The following DSCAM variants were observed in gnomAD, a reference collection of about 807,000 sequenced individuals.
DSCAM encodes DS cell adhesion molecule, also known as cell adhesion molecule DSCAM.
A neutral mutation model predicts 217.7 loss-of-function variants in DSCAM; 47 were observed. The observed-to-expected ratio is 0.22, with a 90% CI of 0.17 to 0.28. DSCAM has a LOEUF of 0.28. Ranked by LOEUF, DSCAM falls within the 10% of genes least tolerant of loss-of-function variation. The probability of loss-of-function intolerance (pLI) is 1.00; values close to 1 mark genes in which losing one functional copy is unlikely to be tolerated. For synonymous variants in DSCAM, 1,056 were observed against 1,015.3 expected, an observed-to-expected ratio of 1.04 and a Z score of -0.76; for missense variants, 2,080 against 2,618.3, an observed-to-expected ratio of 0.79 and a Z score of 4.49.
At chr21:40,424,152 C>T (rs1000551190) in intron 3 of DSCAM, among the ~76,000 whole-genome samples, 5 of 152,136 alleles carry the variant, frequency 3.3e-5, no homozygotes, top group African/African-American at 1.2e-4. Flanking sequence ...GCATGACGTA[C>T]CTTTTAAAAC....
Position 40,338,177 on chromosome 21 carries a change from G to A in DSCAM, c.1707C>T (p.Asp569=), listed in dbSNP as rs756127341. 19 of 1,614,124 alleles carry A rather than the reference G, an allele frequency of 1.2e-5. No individual in the cohort carries two copies. The highest frequency in any genetic ancestry group is 1.4e-5 in the Non-Finnish European group (17 of 1,180,052). The change falls in exon 8 of 33, where the codon GAC becomes GAT. Residue 569 remains aspartate, a synonymous_variant. Transcript: ENST00000400454. ...ACACGTTGCACGTGTACTCCCCCTC[G>A]TCCACTTCCTTTTGCACATCTGAAA... ...LKLSDVQKEV[D]EGEYTCNVLV... is the part of the protein sequence containing the mutation.
intron 3 of DSCAM, among the ~76,000 whole-genome samples, chr21:40,452,964 G>A: frequency 6.6e-6 from 1 of 151,538 alleles, no homozygotes; most frequent in East Asian, 1.9e-4. Context: ...AAATGAGTTT[G>A]GATATTTCCA....
chr21:40,602,023 A>C (rs75016341), intron 3 of DSCAM, among the ~76,000 whole-genome samples: 2,534 of 149,268 alleles, frequency 0.017, 69 homozygotes, highest in African/African-American at 0.06. Context: ...GCCTCATCAA[A>C]TGAGTTAGCA....
At chr21:40,457,287 G>A (rs1054986419) in intron 3 of DSCAM, among the ~76,000 whole-genome samples, 3 of 152,134 alleles carry the variant, frequency 2.0e-5, no homozygotes, top group Non-Finnish European at 4.4e-5. Context: ...CAAGGCGGGA[G>A]GATTGCTTGA....
At position 40,178,924 on chromosome 21, in the gene DSCAM, T is replaced by G; in HGVS notation, c.2947+3A>C. On this transcript the variant is annotated splice_donor_region_variant and intron_variant, in intron 15 of 32. Coordinates refer to ENST00000400454, the MANE Select transcript of DSCAM (RefSeq NM_001389.5). ...GAGCAAGGTTCCGCCCGGTCCCACG[T>G]ACCTGCCTCGTCCGCCGTGATGGTG... 1 of 1,613,258 alleles carries G rather than the reference T, an allele frequency of 6.2e-7. No individual in the cohort carries two copies. Among genetic ancestry groups the G allele is most frequent in the African/African-American group, 1.3e-5 (1 of 75,026 alleles).
intron 3 of DSCAM, among the ~76,000 whole-genome samples, chr21:40,544,694 G>C (rs572430613): frequency 6.6e-6 from 1 of 152,254 alleles, no homozygotes; most frequent in East Asian, 1.9e-4. Flanking sequence ...CTGGAACTGT[G>C]AGAATAATTT....
At chr21:40,348,913 G>A (rs749690352) in intron 5 of DSCAM, among the ~76,000 whole-genome samples, 4 of 151,818 alleles carry the variant, frequency 2.6e-5, no homozygotes, top group Non-Finnish European at 5.9e-5. Context: ...AGGCCAAAGT[G>A]GGAGGATCAC....
Position 40,013,226 on chromosome 21 carries a change from T to C in DSCAM, c.5847A>G (p.Glu1949=). The C allele has an allele frequency of 6.2e-7, 1 of 1,613,816 alleles. No homozygotes were observed. The change falls in exon 33 of 33, where the codon GAA becomes GAG. Residue 1949 remains glutamate (E), a synonymous_variant. Transcript: ENST00000400454. ...RPTVLEPIPM[E]AASSASSTRE... Reference sequence around the variant, plus strand: ...TCGTGGAGGAGGCGGAGGAGGCGGCTTCCATCGGGATGGGCTCCAGGACCG... The same window carrying C: ...TCGTGGAGGAGGCGGAGGAGGCGGCCTCCATCGGGATGGGCTCCAGGACCG...
intron 3 of DSCAM, among the ~76,000 whole-genome samples, chr21:40,623,190 C>T (rs577824984): frequency 1.3e-5 from 2 of 152,050 alleles, no homozygotes; most frequent in East Asian, 3.9e-4. Context: ...TGAAGCGGGG[C>T]CCTGGCTGAC....
intron 3 of DSCAM, among the ~76,000 whole-genome samples, chr21:40,557,824 C>T (rs192831204): frequency 5.8e-4 from 88 of 152,280 alleles, no homozygotes; most frequent in African/African-American, 1.9e-3. Flanking sequence ...GTTATAGCAA[C>T]ACAAAATGAA....
Position 40,142,486 on chromosome 21 carries a change from C to G in DSCAM, c.3406+72G>C, listed in dbSNP as rs76229041. The G allele has an allele frequency of 2.4e-4, 380 of 1,572,670 alleles. No individual in the cohort carries two copies. In the African/African-American group the frequency reaches 4.5e-3, roughly 19 times the overall value. Reference sequence around the variant, plus strand: ...CATATCCTGAGCCCCTTGTTAGGAACTAGGAGGGGTCTGCAAATTCCATCA... The same window carrying G: ...CATATCCTGAGCCCCTTGTTAGGAAGTAGGAGGGGTCTGCAAATTCCATCA... On this transcript the variant is annotated intron_variant, in intron 18 of 32. Coordinates refer to ENST00000400454, the MANE Select transcript of DSCAM (RefSeq NM_001389.5).
chr21:40,428,844 A>T (rs2075502341), intron 3 of DSCAM, among the ~76,000 whole-genome samples: 1 of 152,070 alleles, frequency 6.6e-6, no homozygotes, highest in Non-Finnish European at 1.5e-5. Context: ...ACACACACAC[A>T]CACACACACA....
chr21:40,554,506 C>T (rs550534879), intron 3 of DSCAM, among the ~76,000 whole-genome samples: 3 of 152,130 alleles, frequency 2.0e-5, no homozygotes, highest in East Asian at 1.9e-4. Flanking sequence ...GAGCCAATTT[C>T]GACAGTCATC....
chr21:40,563,095 T>G (rs1009785759), intron 3 of DSCAM, among the ~76,000 whole-genome samples: 6 of 142,058 alleles, frequency 4.2e-5, no homozygotes, highest in African/African-American at 1.5e-4. Flanking sequence ...GGAAGACAGT[T>G]TATTATCTAG....
chr21:40,723,526 G>A (rs964703543), intron 1 of DSCAM, among the ~76,000 whole-genome samples: 1 of 152,112 alleles, frequency 6.6e-6, no homozygotes, highest in Non-Finnish European at 1.5e-5. Context: ...TCTAGAAGAG[G>A]GGCAGCATGC....
At position 40,312,081 on chromosome 21, in the gene DSCAM, C is replaced by T. The variant is rs1306899568; in HGVS notation, c.2062G>A (p.Val688Ile). ...VEHQSQLIVR[V>I]PPKFVVQPRD... ...ACATGGCTCATGATCCTTTGCTCAC[C>T]TCTGACAATCAACTGGCTTTGGTGC... Residue 688 changes from valine to isoleucine, a missense_variant and splice_region_variant, in exon 9 of 33, where the codon GTT becomes ATT. Coordinates refer to ENST00000400454, the MANE Select transcript of DSCAM (RefSeq NM_001389.5). 6.2e-7 allele frequency: 1 copy of T among 1,613,292 alleles called. No homozygotes were observed. Among genetic ancestry groups the T allele is most frequent in the Non-Finnish European group, 8.5e-7 (1 of 1,179,542 alleles).
In DSCAM at chr21:40,051,982, C is replaced by T. The variant is rs1315874600; in HGVS notation, c.5161G>A (p.Val1721Ile). ...VSQATGPLVD[V>I]SDARPGTNPT... ...CTCGTTCCCGGCCGAGCGTCTGAAA[C>T]ATCCACTAAGGGCCCAGTGGCCTGA... The change falls in exon 30 of 33, where the codon GTT becomes ATT. Residue 1721 changes from valine to isoleucine, a missense_variant. This residue lies in a region of DSCAM where 1,144 missense variants were observed against 1,421.1 expected (regional missense o/e 0.81). Coordinates refer to ENST00000400454, the MANE Select transcript of DSCAM (RefSeq NM_001389.5). The T allele has an allele frequency of 6.2e-7, 1 of 1,613,270 alleles. No individual in the cohort carries two copies.
At chr21:40,131,450 G>A (rs1266481873) in intron 19 of DSCAM, among the ~76,000 whole-genome samples, 1 of 152,092 alleles carries the variant, frequency 6.6e-6, no homozygotes, top group Non-Finnish European at 1.5e-5. Context: ...TTTTGAGACA[G>A]AGTCTCGATC....
Position 40,222,255 on chromosome 21 carries a change from A to C in DSCAM, c.2357-33017T>G, listed in dbSNP as rs73222781. Among the ~76,000 whole-genome samples the C allele has an allele frequency of 1.1e-3, 171 of 152,344 alleles. 3 individuals carry two copies. The South Asian group carries it at 0.015, about 13-fold the overall frequency. On this transcript the variant is annotated intron_variant, in intron 11 of 32. Transcript: ENST00000400454. ...AATGTGATTTTCAAAAGTATTGTAT[A>C]ATGGAGTGCATCAACATTTGGAACG...
Sources: allele counts gnomAD v4.1 joint callset (sites outside exome capture counted in the v4.1 genomes callset), GRCh38; gene constraint gnomAD v4.1.1; regional missense constraint gnomAD v4.1.1; transcripts MANE v1.5; gene names NCBI Gene and HGNC (gene_info 2026-07-23, HGNC 2026-07-21).